The following TXNDC11 variants were observed in gnomAD, a reference collection of about 807,000 sequenced individuals.
The protein encoded by TXNDC11 is thioredoxin domain containing 11, also known as thioredoxin domain-containing protein 11.
TXNDC11 carries 68 observed loss-of-function variants against 78.0 expected under a neutral mutation model. The observed-to-expected ratio is 0.87, with a 90% confidence interval of 0.72 to 1.07. TXNDC11 has a LOEUF of 1.07. TXNDC11 is among the 50% of genes least tolerant of loss of function. The probability of loss-of-function intolerance (pLI) is 0.00; values close to 1 mark genes in which losing one functional copy is unlikely to be tolerated. For missense variants in TXNDC11, 1,389 were observed against 1,221.8 expected, an observed-to-expected ratio of 1.14 and a Z score of -2.04; for synonymous variants, 571 against 495.2, an observed-to-expected ratio of 1.15 and a Z score of -2.03.
intron 7 of TXNDC11, among the ~76,000 whole-genome samples, chr16:11,696,951 CCGA>C (rs1252149552): frequency 6.6e-6 from 1 of 152,150 alleles, no homozygotes. Context: ...ACCACCTTGA[CCGA>C]AAACCTTCCT....
chr16:11,742,853 G>T lies in TXNDC11; in HGVS notation c.-123C>A. ...CCGCTAACCCGGACGCTCCACGTCA[G>T]CCGCGCCGCCGCCGCGGGGTCCGCC... On this transcript the variant is annotated 5_prime_UTR_variant, in exon 1 of 12. The change creates a new upstream start codon in the 5' untranslated region. Coordinates refer to ENST00000283033, the MANE Select transcript of TXNDC11 (RefSeq NM_015914.7). 7.7e-7 allele frequency: 1 copy of T among 1,298,554 alleles called. No individual in the cohort carries two copies. The highest frequency in any genetic ancestry group is 9.8e-7 in the Non-Finnish European group (1 of 1,022,142). 80.4% of individuals were successfully genotyped at this position (1,298,554 alleles called of 1,614,324 possible).
At chr16:11,724,687 C>T (rs1239954402) in intron 4 of TXNDC11, among the ~76,000 whole-genome samples, 1 of 152,146 alleles carries the variant, frequency 6.6e-6, no homozygotes, top group Non-Finnish European at 1.5e-5. Flanking sequence ...TTTAAATTGG[C>T]AGGAAGAACA....
intron 2 of TXNDC11, 114 bp downstream of exon 2, chr16:11,735,903 C>A: frequency 1.1e-6 from 1 of 949,360 alleles, no homozygotes. Context: ...GAAACGACTC[C>A]TGGAGTTCAC....
intron 5 of TXNDC11, among the ~76,000 whole-genome samples, chr16:11,717,220 G>GTT (rs570225503): frequency 3.6e-4 from 55 of 151,524 alleles, no homozygotes; most frequent in Non-Finnish European, 6.3e-4. Flanking sequence ...GAGGTCAGGA[G>GTT]TTTGAGACCA....
intron 7 of TXNDC11, 121 bp from the exon 8 acceptor site, chr16:11,692,203 T>G (rs2050741310): frequency 1.3e-6 from 1 of 746,544 alleles, no homozygotes; most frequent in Non-Finnish European, 2.1e-6. Context: ...TCAAAAATAC[T>G]AAATGGAAAA....
intron 1 of TXNDC11, among the ~76,000 whole-genome samples, chr16:11,739,994 A>C (rs911209434): frequency 6.6e-6 from 1 of 152,060 alleles, no homozygotes; most frequent in Non-Finnish European, 1.5e-5. Context: ...GGAGTTCGAG[A>C]CCAGCCTGGT....
At chr16:11,741,737 A>AT (rs1283926998) in intron 1 of TXNDC11, among the ~76,000 whole-genome samples, 1 of 152,218 alleles carries the variant, frequency 6.6e-6, no homozygotes, top group Non-Finnish European at 1.5e-5. Context: ...GTGCAGATAA[A>AT]TAATCGTTAG....
chr16:11,700,597 A>G (rs769266192), intron 5 of TXNDC11, 33 bp from the exon 6 acceptor site: 35 of 1,120,548 alleles, frequency 3.1e-5, no homozygotes, highest in Non-Finnish European at 4.6e-5. Context: ...ATTAAAGAAA[A>G]GGCCTGTGCC....
chr16:11,698,260 C>T lies in TXNDC11; in HGVS notation c.972G>A (p.Gln324=). Residue 324 remains glutamine (Q), a synonymous_variant, in exon 7 of 12, where the codon CAG becomes CAA. Transcript: ENST00000283033. ...ENICKWALEN[Q]ETLFRWLRPH... is the part of the protein sequence containing the mutation. Reference sequence around the variant, plus strand: ...GCCGCAGCCACCGAAAGAGCGTCTCCTGGTTTTCTAAGGCCCACTTACAGA... The same window carrying T: ...GCCGCAGCCACCGAAAGAGCGTCTCTTGGTTTTCTAAGGCCCACTTACAGA... The T allele has an allele frequency of 1.2e-6, 2 of 1,614,160 alleles. No homozygotes were observed. The highest frequency in any genetic ancestry group is 2.2e-5 in the South Asian group (2 of 91,082).
At chr16:11,709,423 ATTTTTTTT>A (rs149701958) in intron 5 of TXNDC11, among the ~76,000 whole-genome samples, 13 of 55,570 alleles carry the variant, frequency 2.3e-4, no homozygotes, top group East Asian at 5.3e-4. Flanking sequence ...AATTTTTTGT[ATTTTTTTT>A]TTTTTTTTTT....
chr16:11,686,771 TCG>T (rs2050577467), intron 10 of TXNDC11, among the ~76,000 whole-genome samples: 1 of 152,240 alleles, frequency 6.6e-6, no homozygotes, highest in South Asian at 2.1e-4. Context: ...CAGAATGGAA[TCG>T]GTCTCAGCCA....
At chr16:11,709,283 G>A (rs893330734) in intron 5 of TXNDC11, among the ~76,000 whole-genome samples, 1 of 126,884 alleles carries the variant, frequency 7.9e-6, no homozygotes, top group African/African-American at 2.9e-5. Flanking sequence ...ACAGAGTCTC[G>A]CACTGTCGCC....
At chr16:11,706,654 C>G (rs961129810) in intron 5 of TXNDC11, among the ~76,000 whole-genome samples, 2 of 152,118 alleles carry the variant, frequency 1.3e-5, no homozygotes, top group Admixed American at 6.5e-5. Flanking sequence ...CTTCCCACAC[C>G]CTCCCCAAGT....
At chr16:11,734,133 C>G in intron 2 of TXNDC11, 54 bp from the exon 3 acceptor site, 1 of 1,145,646 alleles carries the variant, frequency 8.7e-7, no homozygotes, top group Non-Finnish European at 1.3e-6. Context: ...TGAAAAGTTA[C>G]CAAGATTTAA....
At chr16:11,727,599 T>A (rs1423900045) in intron 4 of TXNDC11, among the ~76,000 whole-genome samples, 1 of 152,100 alleles carries the variant, frequency 6.6e-6, no homozygotes, top group Non-Finnish European at 1.5e-5. Flanking sequence ...GAGTAAAAAG[T>A]TGAGTATCAG....
At chr16:11,730,946 T>C (rs1279277084) in intron 3 of TXNDC11, among the ~76,000 whole-genome samples, 172 bp from the exon 4 acceptor site, 1 of 152,118 alleles carries the variant, frequency 6.6e-6, no homozygotes, top group African/African-American at 2.4e-5. Flanking sequence ...GACCAGAGAA[T>C]TAAGAACAAG....
intron 10 of TXNDC11, among the ~76,000 whole-genome samples, chr16:11,687,395 C>A (rs138369536): frequency 0.01 from 1,590 of 152,270 alleles, 23 homozygotes; most frequent in African/African-American, 0.036. Flanking sequence ...ATTTTGTTTA[C>A]TCAAAAGCGC....
intron 11 of TXNDC11, among the ~76,000 whole-genome samples, chr16:11,682,151 T>C (rs1044149640): frequency 6.6e-6 from 1 of 152,254 alleles, no homozygotes; most frequent in Non-Finnish European, 1.5e-5. Flanking sequence ...CCAACAGCCT[T>C]TTTCATTTCC....
chr16:11,738,539 G>C (rs748679568), intron 1 of TXNDC11, among the ~76,000 whole-genome samples: 1 of 152,130 alleles, frequency 6.6e-6, no homozygotes, highest in African/African-American at 2.4e-5. Context: ...TTAACAAGGT[G>C]ATGTACAGAA....
Sources: allele counts gnomAD v4.1 joint callset (sites outside exome capture counted in the v4.1 genomes callset), GRCh38; gene constraint gnomAD v4.1.1; transcripts MANE v1.5; gene names NCBI Gene and HGNC (gene_info 2026-07-23, HGNC 2026-07-21).